The following CAMKMT variants were observed in gnomAD, a reference collection of about 807,000 sequenced individuals.
CAMKMT encodes calmodulin-lysine N-methyltransferase, also known as CaM KMT.
CAMKMT carries 53 observed loss-of-function variants against 48.0 expected under a neutral mutation model. The observed-to-expected ratio is 1.10, with a 90% CI of 0.89 to 1.39. CAMKMT has a LOEUF of 1.39. Ranked by LOEUF, CAMKMT falls within the 40% of genes most tolerant of loss-of-function variation. CAMKMT has a pLI of 0.00. For missense variants in CAMKMT, 428 were observed against 402.7 expected (o/e 1.06, Z -0.54); for synonymous variants, 165 against 152.3 (o/e 1.08, Z -0.61).
intron 3 of CAMKMT, among the ~76,000 whole-genome samples, chr2:44,599,477 T>A (rs3931848): frequency 0.64 from 97,407 of 151,752 alleles, 31,843 homozygotes; most frequent in Admixed American, 0.71. Context: ...TCAATATCGT[T>A]TTCCTTTAGA....
intron 3 of CAMKMT, among the ~76,000 whole-genome samples, chr2:44,441,548 A>G (rs921865079): frequency 2.6e-5 from 4 of 152,000 alleles, no homozygotes; most frequent in Non-Finnish European, 5.9e-5. Context: ...AGACTGCGCT[A>G]TCTTAGGGTA....
intron 3 of CAMKMT, among the ~76,000 whole-genome samples, chr2:44,410,470 A>G (rs1241941033): frequency 6.6e-6 from 1 of 150,682 alleles, no homozygotes; most frequent in Non-Finnish European, 1.5e-5. Flanking sequence ...CTTGTTAGCC[A>G]GGAAGTATAT....
chr2:44,499,527 A>G (rs1483375488), intron 3 of CAMKMT, among the ~76,000 whole-genome samples: 4 of 152,244 alleles, frequency 2.6e-5, no homozygotes, highest in Admixed American at 6.5e-5. Flanking sequence ...ATTTGTCTTT[A>G]TAATTTTATT....
chr2:44,682,866 G>A (rs1478442733), intron 3 of CAMKMT, among the ~76,000 whole-genome samples: 1 of 152,100 alleles, frequency 6.6e-6, no homozygotes, highest in Non-Finnish European at 1.5e-5. Flanking sequence ...TATTATGATT[G>A]GAATGCTGGT....
intron 3 of CAMKMT, among the ~76,000 whole-genome samples, chr2:44,425,850 C>G (rs1572845057): frequency 6.6e-6 from 1 of 152,218 alleles, no homozygotes; most frequent in East Asian, 1.9e-4. Flanking sequence ...CCTGCCTCAG[C>G]CTCCCAAGTA....
At chr2:44,752,539 A>T (rs1340988074) in intron 8 of CAMKMT, among the ~76,000 whole-genome samples, 1 of 142,498 alleles carries the variant, frequency 7.0e-6, no homozygotes, top group Non-Finnish European at 1.5e-5. Context: ...AACCCCACCC[A>T]CAGAATCCTT....
Position 44,618,746 on chromosome 2 carries a change from C to T in CAMKMT, c.377-85537C>T, listed in dbSNP as rs1325808025. ...AAGGTTTGAAATATTTATTTGAAGG[C>T]GCCTTCTGCAGAGTTCAGCAGTAAG... On this transcript the variant is annotated intron_variant, in intron 3 of 10. Coordinates refer to ENST00000378494, the MANE Select transcript of CAMKMT (RefSeq NM_024766.5). The surrounding 1 kb of genome is among the most constrained non-coding windows in gnomAD (Gnocchi z 4.0). Among the ~76,000 whole-genome samples, 1 of 152,148 alleles carries T rather than the reference C, an allele frequency of 6.6e-6. No homozygotes were observed. The highest frequency in any genetic ancestry group is 1.9e-4 in the East Asian group (1 of 5,194).
intron 3 of CAMKMT, among the ~76,000 whole-genome samples, chr2:44,671,833 A>G (rs145435353): frequency 5.9e-5 from 9 of 152,176 alleles, no homozygotes; most frequent in Admixed American, 5.9e-4. Flanking sequence ...TTGAAAACCG[A>G]TTCTCAACCA....
At chr2:44,602,609 A>G (rs868718831) in intron 3 of CAMKMT, among the ~76,000 whole-genome samples, 23 of 152,202 alleles carry the variant, frequency 1.5e-4, no homozygotes, top group Middle Eastern at 6.8e-3. Flanking sequence ...AACAGGAAGT[A>G]TGACTGGGAG....
chr2:44,389,630 A>G (rs1173623463), intron 2 of CAMKMT, among the ~76,000 whole-genome samples: 2 of 152,296 alleles, frequency 1.3e-5, no homozygotes, highest in African/African-American at 2.4e-5. Context: ...TATAACAAAT[A>G]GTATTTTTCA....
At chr2:44,484,128 A>G (rs915318139) in intron 3 of CAMKMT, among the ~76,000 whole-genome samples, 4 of 152,144 alleles carry the variant, frequency 2.6e-5, no homozygotes, top group Admixed American at 2.0e-4. Flanking sequence ...ATCTGAAGCC[A>G]TTGGCAGGGA....
chr2:44,646,169 A>AG lies in CAMKMT; in HGVS notation c.377-58112dup, dbSNP rs549119011. Among the ~76,000 whole-genome samples, 350 of 152,306 alleles carry AG rather than the reference A, an allele frequency of 2.3e-3. 3 individuals are homozygous for AG. The highest frequency in any genetic ancestry group is 8.2e-3 in the African/African-American group (341 of 41,570). ...GCCAAAATTATGATGAAATCACTGG[A>AG]GGCATCAAGGCAAAAAAACAAATCA... On this transcript the variant is annotated intron_variant, in intron 3 of 10. Transcript: ENST00000378494.
chr2:44,619,435 G>C (rs944175796), intron 3 of CAMKMT, among the ~76,000 whole-genome samples: 3 of 151,368 alleles, frequency 2.0e-5, no homozygotes, highest in African/African-American at 7.3e-5. Flanking sequence ...ATTTTTATAA[G>C]TGAGAATAAT....
chr2:44,412,390 C>T (rs1182577311), intron 3 of CAMKMT, among the ~76,000 whole-genome samples: 1 of 152,146 alleles, frequency 6.6e-6, no homozygotes, highest in Non-Finnish European at 1.5e-5. Flanking sequence ...GGCTGAAGTA[C>T]AATGGCACAA....
chr2:44,679,740 G>A (rs1292768806), intron 3 of CAMKMT, among the ~76,000 whole-genome samples: 1 of 152,156 alleles, frequency 6.6e-6, no homozygotes, highest in Admixed American at 6.5e-5. Flanking sequence ...TACCAATTTA[G>A]CAATACCTCT....
chr2:44,606,879 T>C (rs1671316762), intron 3 of CAMKMT, among the ~76,000 whole-genome samples: 1 of 151,114 alleles, frequency 6.6e-6, no homozygotes, highest in African/African-American at 2.4e-5. Context: ...TTACTGCAGC[T>C]GGTTCTATGC....
chr2:44,465,440 A>G (rs970858954), intron 3 of CAMKMT, among the ~76,000 whole-genome samples: 3 of 152,170 alleles, frequency 2.0e-5, no homozygotes, highest in Non-Finnish European at 4.4e-5. Context: ...TCTACTAAAA[A>G]TACAAAAATT....
At chr2:44,600,874 GAGT>G (rs1303278429) in intron 3 of CAMKMT, among the ~76,000 whole-genome samples, 1 of 151,986 alleles carries the variant, frequency 6.6e-6, no homozygotes, top group Admixed American at 6.5e-5. Context: ...GTACAATGTT[GAGT>G]AGACTCGGGA....
intron 3 of CAMKMT, among the ~76,000 whole-genome samples, chr2:44,503,521 G>A (rs578190363): frequency 6.6e-5 from 10 of 152,260 alleles, no homozygotes; most frequent in East Asian, 1.9e-4. Flanking sequence ...TGTCATAGAA[G>A]TTTTAGACTA....
Sources: allele counts gnomAD v4.1 joint callset (sites outside exome capture counted in the v4.1 genomes callset), GRCh38; gene constraint gnomAD v4.1.1; non-coding constraint Gnocchi (gnomAD v3.1); transcripts MANE v1.5; gene names NCBI Gene and HGNC (gene_info 2026-07-23, HGNC 2026-07-21).